ARSG: variants seen among roughly 807,000 people sequenced by gnomAD.
ARSG encodes the protein ASG.
A neutral mutation model predicts 50.5 loss-of-function variants in ARSG; 37 were observed. The ratio of observed to expected loss-of-function variants is 0.73; its 90% confidence interval spans 0.56 to 0.96. The LOEUF is 0.96. Ranked by LOEUF, ARSG falls within the 50% of genes least tolerant of loss-of-function variation. ARSG has a pLI of 0.00. For synonymous variants in ARSG, 225 were observed against 254.6 expected, an observed-to-expected ratio of 0.88 and a Z score of 1.11; for missense variants, 629 against 675.3, an observed-to-expected ratio of 0.93 and a Z score of 0.76.
chr17:68,421,570 A>C, downstream of ARSG: 1 of 631,314 alleles, frequency 1.6e-6, no homozygotes, highest in Non-Finnish European at 2.8e-6. Context: ...ATGTGTATAC[A>C]ATGTCTCCCG....
intron 11 of ARSG, among the ~76,000 whole-genome samples, chr17:68,401,880 TCA>T (rs1209534702): frequency 6.6e-6 from 1 of 152,214 alleles, no homozygotes; most frequent in Admixed American, 6.5e-5. Flanking sequence ...GCTTCTTGGT[TCA>T]CTGTGACTAT....
chr17:68,264,400 A>G (rs1279860790), intron 1 of ARSG, among the ~76,000 whole-genome samples: 1 of 152,192 alleles, frequency 6.6e-6, no homozygotes, highest in East Asian at 1.9e-4. Flanking sequence ...CACATTTTGT[A>G]TTAGTTACGG....
the ARSG span, chr17:68,433,372 G>A: frequency 8.8e-7 from 1 of 1,135,666 alleles, no homozygotes; most frequent in Non-Finnish European, 1.3e-6. Flanking sequence ...CCAAGATTGG[G>A]TGTTCAGAAA....
the ARSG span, chr17:68,451,009 T>C: frequency 7.1e-7 from 1 of 1,413,078 alleles, no homozygotes; most frequent in Non-Finnish European, 9.4e-7. Context: ...TCTCCGGGTC[T>C]TGCCGGCCAG....
intron 2 of ARSG, among the ~76,000 whole-genome samples, chr17:68,317,001 C>T (rs527404137): frequency 3.9e-5 from 6 of 152,236 alleles, no homozygotes; most frequent in Non-Finnish European, 4.4e-5. Flanking sequence ...GTCTCAGTAA[C>T]ATTTCCCTTT....
At chr17:68,349,350 T>C (rs1201993693) in intron 4 of ARSG, among the ~76,000 whole-genome samples, 2 of 152,096 alleles carry the variant, frequency 1.3e-5, no homozygotes, top group Non-Finnish European at 2.9e-5. Context: ...TGTGTACATA[T>C]TGTCTGTGGG....
At chr17:68,265,636 A>G (rs2075143595) in intron 1 of ARSG, among the ~76,000 whole-genome samples, 1 of 151,504 alleles carries the variant, frequency 6.6e-6, no homozygotes, top group Non-Finnish European at 1.5e-5. Context: ...TTCTGGCGGT[A>G]CTGACCTGTG....
At chr17:68,331,189 CTTTCT>C (rs2077730009) in intron 2 of ARSG, among the ~76,000 whole-genome samples, 4 of 38,616 alleles carry the variant, frequency 1.0e-4, no homozygotes, top group African/African-American at 3.5e-4. Flanking sequence ...TTCTTTCTTT[CTTTCT>C]TTCTTTCTTT....
chr17:68,265,191 T>C (rs2075134065), intron 1 of ARSG, among the ~76,000 whole-genome samples: 1 of 149,354 alleles, frequency 6.7e-6, no homozygotes, highest in Admixed American at 6.7e-5. Context: ...AAAACGTAAT[T>C]AACAAATGTG....
chr17:68,318,417 A>G (rs1555769388), intron 2 of ARSG, among the ~76,000 whole-genome samples: 2 of 152,238 alleles, frequency 1.3e-5, no homozygotes, highest in African/African-American at 2.4e-5. Flanking sequence ...AGTGCCTTGC[A>G]TATGACTCCT....
At chr17:68,424,387 C>A (rs1007725770), downstream of ARSG, 1 of 527,066 alleles carries the variant, frequency 1.9e-6, no homozygotes, top group Non-Finnish European at 3.9e-6. Flanking sequence ...GCCAAATGTG[C>A]TCACTAGAGG....
chr17:68,400,730 A>G (rs1451818071), intron 10 of ARSG, among the ~76,000 whole-genome samples: 1 of 152,178 alleles, frequency 6.6e-6, no homozygotes, highest in East Asian at 1.9e-4. Flanking sequence ...TAAGTTTGTG[A>G]ACAAGGTATC....
At chr17:68,263,647 G>A (rs1359144405) in intron 1 of ARSG, among the ~76,000 whole-genome samples, 2 of 151,640 alleles carry the variant, frequency 1.3e-5, no homozygotes, top group Non-Finnish European at 2.9e-5. Context: ...TTTTGGTTTC[G>A]CCATGTGGCC....
At chr17:68,379,844 A>G (rs374603249) in intron 8 of ARSG, 24 of 985,258 alleles carry the variant, frequency 2.4e-5, no homozygotes, top group Admixed American at 1.8e-4. Flanking sequence ...TTCTCCCTAC[A>G]GGTAATTTGG....
the ARSG span, chr17:68,435,524 G>A: frequency 8.3e-7 from 1 of 1,210,680 alleles, no homozygotes; most frequent in Non-Finnish European, 1.2e-6. Context: ...AGACCAGTCA[G>A]TCTTCATGTC....
chr17:68,296,369 C>G (rs2076207792), intron 1 of ARSG, among the ~76,000 whole-genome samples: 1 of 152,208 alleles, frequency 6.6e-6, no homozygotes, highest in Non-Finnish European at 1.5e-5. Context: ...CCTATCTTGT[C>G]TAAACAGGTA....
At chr17:68,293,624 C>T (rs1555757130) in intron 1 of ARSG, among the ~76,000 whole-genome samples, 1 of 152,056 alleles carries the variant, frequency 6.6e-6, no homozygotes, top group Admixed American at 6.6e-5. Flanking sequence ...ACATGTAATG[C>T]AATGTTAACC....
At chr17:68,354,462 T>C (rs953671408) in intron 5 of ARSG, among the ~76,000 whole-genome samples, 1 of 146,234 alleles carries the variant, frequency 6.8e-6, no homozygotes, top group Admixed American at 6.8e-5. Context: ...AGAGAAATAA[T>C]GGGTGGCTTA....
intron 8 of ARSG, among the ~76,000 whole-genome samples, chr17:68,373,519 A>T (rs2079972461): frequency 6.6e-6 from 1 of 151,852 alleles, no homozygotes; most frequent in Non-Finnish European, 1.5e-5. Context: ...GTGAGCCACC[A>T]TGCCTGGCCT....
Sources: allele counts gnomAD v4.1 joint callset (sites outside exome capture counted in the v4.1 genomes callset), GRCh38; gene constraint gnomAD v4.1.1; transcripts MANE v1.5; gene names NCBI Gene and HGNC (gene_info 2026-07-23, HGNC 2026-07-21).